The following DNAH7 variants were observed in gnomAD, a reference collection of about 807,000 sequenced individuals.
The protein encoded by DNAH7 is dynein axonemal heavy chain 7.
In DNAH7, 397 loss-of-function variants were observed where a neutral mutation model predicts 444.6. The observed-to-expected ratio is 0.89, with a 90% CI of 0.82 to 0.97. The LOEUF (loss-of-function observed/expected upper bound fraction) is 0.97. DNAH7 is among the 50% of genes least tolerant of loss of function. DNAH7 has a pLI of 0.00. For synonymous variants in DNAH7, 1,636 were observed against 1,624.4 expected (o/e 1.01, Z -0.17); for missense variants, 4,902 against 4,800.8 (o/e 1.02, Z -0.62).
intron 58 of DNAH7, among the ~76,000 whole-genome samples, chr2:195,786,773 T>C (rs1304319921): frequency 6.6e-6 from 1 of 152,162 alleles, no homozygotes; most frequent in African/African-American, 2.4e-5. Context: ...AGTGTTTGTG[T>C]GTCAAAATAA....
In DNAH7 at chr2:195,960,839, T is replaced by A. The variant is rs1455304212; in HGVS notation, c.2312A>T (p.Glu771Val). 1.7e-5 allele frequency: 27 copies of A among 1,614,084 alleles called. No homozygotes were observed. Among genetic ancestry groups the A allele is most frequent in the Non-Finnish European group, 2.3e-5 (27 of 1,180,042 alleles). ...GTTGCTGCTAAATTCGACAGCAGTT[T>A]CATAAAGACGAAGATAAGGGTTCAA... The part of the protein sequence containing the change: ...DGLNPYLRLY[E>V]TAVEFSSNYR... Residue 771 changes from glutamate (E) to valine (V), a missense_variant, in exon 18 of 65, where the codon GAA (glutamate) becomes GTA (valine). Glu to Val is a moderately radical substitution (Grantham distance 121). Transcript: ENST00000312428.
In DNAH7 at chr2:195,858,496, G is replaced by A; in HGVS notation, c.8045C>T (p.Ala2682Val). 1.9e-6 allele frequency: 3 copies of A among 1,608,410 alleles called. No individual in the cohort carries two copies. Among genetic ancestry groups the A allele is most frequent in the Non-Finnish European group, 2.5e-6 (3 of 1,177,058 alleles). Reference protein sequence around the residue: ...ALPILESALAALDTLTAQDIT... With the variant: ...ALPILESALAVLDTLTAQDIT... ...TACCTGTGCAGTAAGAGTATCAAGG[G>A]CGGCCAGTGCTGACTCTAATATTGG... Residue 2682 changes from alanine to valine, a missense_variant, in exon 43 of 65, where the codon GCC becomes GTC. Transcript: ENST00000312428.
intron 58 of DNAH7, among the ~76,000 whole-genome samples, chr2:195,784,621 T>A (rs1229911959): frequency 6.6e-6 from 1 of 152,200 alleles, no homozygotes; most frequent in African/African-American, 2.4e-5. Flanking sequence ...CAAAGGAGCA[T>A]GATTGCTGGA....
chr2:195,864,139 A>G lies in DNAH7; in HGVS notation c.7506+10T>C, dbSNP rs771978962. ...TTCTAGAAGTCTATCTAAAATGTAC[A>G]TGACAATACCTGAAACCAGTCAATG... On this transcript the variant is annotated intron_variant, in intron 41 of 64. Coordinates refer to ENST00000312428, the MANE Select transcript of DNAH7 (RefSeq NM_018897.3). 23 of 1,607,762 alleles carry G rather than the reference A, an allele frequency of 1.4e-5. No individual in the cohort carries two copies. The Admixed American group carries it at 3.3e-4, about 23-fold the overall frequency.
intron 5 of DNAH7, among the ~76,000 whole-genome samples, chr2:196,044,208 T>TGC (rs1309148471): frequency 6.6e-6 from 1 of 150,640 alleles, no homozygotes; most frequent in East Asian, 1.9e-4. Context: ...TATATATGTG[T>TGC]GTGTGTGTGT....
At chr2:195,804,131 T>C (rs1187481263) in intron 54 of DNAH7, among the ~76,000 whole-genome samples, 1 of 152,194 alleles carries the variant, frequency 6.6e-6, no homozygotes, top group Non-Finnish European at 1.5e-5. Flanking sequence ...CTGATTTTCC[T>C]GGATATCTGT....
chr2:195,997,887 G>C (rs560302695), intron 12 of DNAH7, among the ~76,000 whole-genome samples: 14 of 152,224 alleles, frequency 9.2e-5, no homozygotes, highest in African/African-American at 3.1e-4. Context: ...CCATCTTTAT[G>C]AATCTGTATC....
chr2:196,065,747 G>C (rs1190237731), intron 1 of DNAH7, among the ~76,000 whole-genome samples: 1 of 152,288 alleles, frequency 6.6e-6, no homozygotes, highest in East Asian at 1.9e-4. Context: ...ACTCATCAGG[G>C]TCTGAGAATA....
chr2:196,047,430 G>A lies in DNAH7; in HGVS notation c.320C>T (p.Pro107Leu), dbSNP rs796723088. 5.0e-6 allele frequency: 8 copies of A among 1,602,982 alleles called. No homozygotes were observed. The highest frequency in any genetic ancestry group is 1.1e-5 in the South Asian group (1 of 89,062). Reference protein sequence around the residue: ...PHQVDDSYVGPSTSKSKGKSP... With the variant: ...PHQVDDSYVGLSTSKSKGKSP... ...TTTGCCCTTTGATTTGGAAGTAGAT[G>A]GTCCAACATAACTATCATCAACTTG... Residue 107 changes from proline (P) to leucine (L), a missense_variant, in exon 5 of 65, where the codon CCA becomes CTA. Transcript: ENST00000312428.
chr2:196,038,315 A>G (rs941309480), intron 5 of DNAH7, among the ~76,000 whole-genome samples: 1 of 152,156 alleles, frequency 6.6e-6, no homozygotes, highest in Non-Finnish European at 1.5e-5. Context: ...AAAACACACT[A>G]AAGCATAAAA....
chr2:195,865,189 T>A (rs1465683668), intron 40 of DNAH7, among the ~76,000 whole-genome samples, 168 bp from the exon 41 acceptor site: 1 of 152,236 alleles, frequency 6.6e-6, no homozygotes, highest in Non-Finnish European at 1.5e-5. Context: ...TTATTTTAAA[T>A]GTTAATTTTA....
intron 5 of DNAH7, among the ~76,000 whole-genome samples, chr2:196,031,236 G>A (rs192525044): frequency 6.8e-4 from 103 of 152,324 alleles, no homozygotes; most frequent in African/African-American, 1.6e-3. Flanking sequence ...CAAGCTCCAC[G>A]TTGGCCCCTT....
chr2:196,052,575 C>A (rs573584036), intron 2 of DNAH7, among the ~76,000 whole-genome samples: 37 of 152,306 alleles, frequency 2.4e-4, no homozygotes, highest in African/African-American at 7.5e-4. Flanking sequence ...ATATTCTATA[C>A]GCTGTGGGGT....
chr2:195,891,740 T>C lies in DNAH7; in HGVS notation c.4961A>G (p.Gln1654Arg), dbSNP rs1465573340. 2.5e-6 allele frequency: 4 copies of C among 1,609,932 alleles called. No individual in the cohort carries two copies. In the South Asian group the frequency reaches 3.3e-5, roughly 13 times the overall value. ...CACTGAATCAAACTGTCCGTACAGT[T>C]GGCCCATGGTGACAGACTTAGGATT... ...VLNPKSVTMG[Q>R]LYGQFDSVSH... Residue 1654 changes from glutamine (Q) to arginine (R), a missense_variant, in exon 31 of 65, where the codon CAA (glutamine) becomes CGA (arginine). Transcript: ENST00000312428.
Position 195,858,739 on chromosome 2 carries a change from T to C in DNAH7, c.7802A>G (p.Gln2601Arg), listed in dbSNP as rs747425933. The C allele has an allele frequency of 6.2e-7, 1 of 1,614,008 alleles. No individual in the cohort carries two copies. Among genetic ancestry groups the C allele is most frequent in the South Asian group, 1.1e-5 (1 of 91,058 alleles). The part of the protein sequence containing the change: ...GLEKLDSASS[Q>R]VATMQMELEA... ...CAACTCCATCTGCATTGTGGCTACT[T>C]GAGATGAAGCAGAATCCAGTTTCTC... Residue 2601 changes from glutamine to arginine, a missense_variant, in exon 43 of 65, where the codon CAA becomes CGA. Gln to Arg is a conservative substitution (Grantham distance 43, BLOSUM62 1). Coordinates refer to ENST00000312428, the MANE Select transcript of DNAH7 (RefSeq NM_018897.3).
chr2:195,742,592 C>T (rs1328287631), intron 63 of DNAH7, among the ~76,000 whole-genome samples: 1 of 152,142 alleles, frequency 6.6e-6, no homozygotes, highest in Non-Finnish European at 1.5e-5. Flanking sequence ...GATATAGATA[C>T]ATAGAATATA....
intron 58 of DNAH7, among the ~76,000 whole-genome samples, chr2:195,779,033 C>T (rs1837325): frequency 0.5 from 76,319 of 151,390 alleles, 20,015 homozygotes; most frequent in Non-Finnish European, 0.6. Flanking sequence ...TTAGTAGAGA[C>T]GGGGTTTCAC....
intron 22 of DNAH7, among the ~76,000 whole-genome samples, chr2:195,924,381 C>G (rs1688205776): frequency 6.6e-6 from 1 of 152,134 alleles, no homozygotes; most frequent in African/African-American, 2.4e-5. Flanking sequence ...CACTTGAGGT[C>G]AGGAGTTTTG....
intron 10 of DNAH7, among the ~76,000 whole-genome samples, chr2:196,008,164 C>A (rs908874136): frequency 6.6e-6 from 1 of 151,712 alleles, no homozygotes; most frequent in Non-Finnish European, 1.5e-5. Flanking sequence ...AATAAACAGA[C>A]AATAAGCCCA....
Sources: gnomAD v4.1 joint callset for allele counts (sites outside exome capture counted in the v4.1 genomes callset) on GRCh38, gnomAD v4.1.1 for gene constraint, MANE v1.5 for transcripts, NCBI Gene and HGNC (gene_info 2026-07-23, HGNC 2026-07-21) for gene names.